ATP5MF: variants seen among roughly 807,000 people sequenced by gnomAD.
ATP5MF encodes the protein ATP synthase membrane subunit f.
A neutral mutation model predicts 13.8 loss-of-function variants in ATP5MF; 10 were observed. The ratio of observed to expected loss-of-function variants is 0.72; its 90% CI spans 0.45 to 1.23. The LOEUF is 1.23. ATP5MF is among the 50% of genes most tolerant of loss of function. The pLI is 0.00. For synonymous variants in ATP5MF, 40 were observed against 45.8 expected (o/e 0.87, Z 0.51); for missense variants, 122 against 118.2 (o/e 1.03, Z -0.15).
chr7:99,458,262 TTG>T lies in ATP5MF; in HGVS notation c.*63_*64del. 6.7e-7 allele frequency: 1 copy of T among 1,503,506 alleles called. No homozygotes were observed. Among genetic ancestry groups the T allele is most frequent in the South Asian group, 1.2e-5 (1 of 85,122 alleles). The allele number at this position is 1,503,506 out of a possible 1,614,324, so 93.1% of individuals were successfully genotyped here. On this transcript the variant is annotated 3_prime_UTR_variant, in exon 4 of 4. Transcript: ENST00000292475. ...TGAAAGGATTCAGCAACGATTGAGA[TTG>T]TGTTCCTCACGGAGGGGCTCGGGCC... is the stretch of plus-strand genomic sequence containing the variant.
chr7:99,462,288 TAAAAA>T (rs755455949), intron 1 of ATP5MF, among the ~76,000 whole-genome samples: 59 of 30,900 alleles, frequency 1.9e-3, no homozygotes, highest in Non-Finnish European at 3.1e-3. Context: ...CCATCACTAC[TAAAAA>T]AAAAAAAAAA....
intron 1 of ATP5MF, among the ~76,000 whole-genome samples, chr7:99,463,154 C>T (rs150182595): frequency 6.6e-6 from 1 of 152,172 alleles, no homozygotes; most frequent in African/African-American, 2.4e-5. Flanking sequence ...TCTTGGTACA[C>T]GACAGATTCT....
At chr7:99,462,490 C>T (rs1798661304) in intron 1 of ATP5MF, among the ~76,000 whole-genome samples, 1 of 134,216 alleles carries the variant, frequency 7.5e-6, no homozygotes, top group African/African-American at 2.8e-5. Flanking sequence ...AAACCTAACA[C>T]ATTTGGCAGG....
At chr7:99,465,992 G>A in intron 1 of ATP5MF, 119 bp downstream of exon 1, 3 of 1,545,354 alleles carry the variant, frequency 1.9e-6, no homozygotes, top group Non-Finnish European at 2.6e-6. Context: ...CCTCAAGTGA[G>A]GTCGTGGCGA....
At chr7:99,460,931 C>G (rs1361767944) in intron 1 of ATP5MF, among the ~76,000 whole-genome samples, 1 of 152,134 alleles carries the variant, frequency 6.6e-6, no homozygotes, top group Non-Finnish European at 1.5e-5. Context: ...CGGACACCAA[C>G]AATTTCCAGA....
chr7:99,458,207 T>G lies in ATP5MF; in HGVS notation c.*120A>C. 1.9e-6 allele frequency: 2 copies of G among 1,076,044 alleles called. No homozygotes were observed. The highest frequency in any genetic ancestry group is 1.6e-5 in the African/African-American group (1 of 63,438). The allele number at this position is 1,076,044 out of a possible 1,614,324, so 66.7% of individuals were successfully genotyped here. ...CAATCAGCACACGTACCAGTCATGTTTTATTTGGAGGTTAATTCCTATTAG... is the reference window on the plus strand; with the variant it reads ...CAATCAGCACACGTACCAGTCATGTGTTATTTGGAGGTTAATTCCTATTAG... On this transcript the variant is annotated 3_prime_UTR_variant, in exon 4 of 4. Coordinates refer to ENST00000292475, the MANE Select transcript of ATP5MF (RefSeq NM_004889.5).
intron 1 of ATP5MF, among the ~76,000 whole-genome samples, chr7:99,461,610 G>A (rs1407585329): frequency 4.0e-5 from 6 of 151,746 alleles, no homozygotes; most frequent in Non-Finnish European, 8.8e-5. Flanking sequence ...TTGGGAGGTC[G>A]AGGCAGGCAG....
In ATP5MF at chr7:99,458,334, T is replaced by G. The variant is rs747149380; in HGVS notation, c.278A>C (p.Tyr93Ser). 6.2e-7 allele frequency: 1 copy of G among 1,609,704 alleles called. No homozygotes were observed. The highest frequency in any genetic ancestry group is 1.1e-5 in the South Asian group (1 of 89,666). The change falls in exon 4 of 4, where the codon TAC (tyrosine) becomes TCC (serine). Residue 93 changes from tyrosine to serine, a missense_variant. By Grantham distance (144) the Tyr-to-Ser change is moderately radical (BLOSUM62 -2). Transcript: ENST00000292475. ...KHLKHERLRK[Y>S]H Reference sequence around the variant, plus strand: ...GTGCAGAGTGTGTCCTCTTCAGTGGTATTTGCGGAGCCGCTCGTGCTCTGA... The same window carrying G: ...GTGCAGAGTGTGTCCTCTTCAGTGGGATTTGCGGAGCCGCTCGTGCTCTGA...
chr7:99,458,986 T>C, intron 3 of ATP5MF, 161 bp downstream of exon 3: 1 of 600,852 alleles, frequency 1.7e-6, no homozygotes, highest in East Asian at 2.8e-5. Flanking sequence ...TCCCACATAC[T>C]GTACTCTGAT....
chr7:99,459,996 G>A (rs1182031446), intron 2 of ATP5MF, 90 bp downstream of exon 2: 2 of 1,402,708 alleles, frequency 1.4e-6, no homozygotes, highest in Non-Finnish European at 1.9e-6. Context: ...AGACAACAAG[G>A]CCTTCATTGC....
At position 99,458,496 on chromosome 7, in the gene ATP5MF, C is replaced by T. The variant is rs1242364610; in HGVS notation, c.257-141G>A. On this transcript the variant is annotated intron_variant, in intron 3 of 3. Transcript: ENST00000292475. Reference sequence around the variant, plus strand: ...ACCCATGACCCGCCTGCCGGTGTCTCTGCAGAATCAGCAGACCCGGGGGGC... The same window carrying T: ...ACCCATGACCCGCCTGCCGGTGTCTTTGCAGAATCAGCAGACCCGGGGGGC... 9.4e-6 allele frequency: 8 copies of T among 851,228 alleles called. No homozygotes were observed. In the East Asian group the frequency reaches 2.3e-4, roughly 24 times the overall value. 52.7% of individuals were successfully genotyped at this position (851,228 alleles called of 1,614,324 possible). A position where few individuals can be genotyped will look rare whatever the true frequency, so the allele number is the denominator to read the frequency against.
intron 2 of ATP5MF, 105 bp from the exon 3 acceptor site, chr7:99,459,368 G>T (rs1456317901): frequency 2.4e-6 from 2 of 830,720 alleles, no homozygotes; most frequent in African/African-American, 1.7e-5. Context: ...TCCTGCTCTG[G>T]CTGTTTAAGC....
intron 1 of ATP5MF, among the ~76,000 whole-genome samples, chr7:99,464,914 C>G (rs1047505388): frequency 2.0e-5 from 3 of 150,716 alleles, no homozygotes; most frequent in South Asian, 2.1e-4. Context: ...GTTGCAGAGA[C>G]GAGATCAGCT....
intron 1 of ATP5MF, among the ~76,000 whole-genome samples, chr7:99,461,188 C>T (rs1798585036): frequency 6.6e-6 from 1 of 152,216 alleles, no homozygotes; most frequent in Non-Finnish European, 1.5e-5. Flanking sequence ...GTTCTCCCTG[C>T]AAAGATTTAT....
At chr7:99,461,103 G>A (rs1798581529) in intron 1 of ATP5MF, among the ~76,000 whole-genome samples, 1 of 152,202 alleles carries the variant, frequency 6.6e-6, no homozygotes, top group Admixed American at 6.5e-5. Flanking sequence ...CCCAGGAGGA[G>A]ACTATGGAGG....
At position 99,459,132 on chromosome 7, in the gene ATP5MF, C is replaced by A. The variant is rs369499770; in HGVS notation, c.256+15G>T. Reference sequence around the variant, plus strand: ...CTCATGGGAACTAAAGGCAAGACGCCGCAGAGGCACTCACTGAGATGCTTG... The same window carrying A: ...CTCATGGGAACTAAAGGCAAGACGCAGCAGAGGCACTCACTGAGATGCTTG... On this transcript the variant is annotated intron_variant, in intron 3 of 3. Transcript: ENST00000292475. The A allele has an allele frequency of 4.0e-5, 64 of 1,600,230 alleles. No individual in the cohort carries two copies. Among genetic ancestry groups the A allele is most frequent in the Non-Finnish European group, 5.2e-5 (61 of 1,168,688 alleles).
At chr7:99,460,983 G>A (rs939951122) in intron 1 of ATP5MF, among the ~76,000 whole-genome samples, 3 of 151,988 alleles carry the variant, frequency 2.0e-5, no homozygotes, top group African/African-American at 7.2e-5. Flanking sequence ...GTCAAGTGAC[G>A]AAAAACCACT....
chr7:99,465,674 C>T (rs1798839788), intron 1 of ATP5MF, among the ~76,000 whole-genome samples: 1 of 152,208 alleles, frequency 6.6e-6, no homozygotes, highest in African/African-American at 2.4e-5. Flanking sequence ...AACATATATG[C>T]ATCGAACCTT....
At chr7:99,460,595 T>C (rs956272494) in intron 1 of ATP5MF, 1 of 489,846 alleles carries the variant, frequency 2.0e-6, no homozygotes, top group Non-Finnish European at 4.1e-6. Flanking sequence ...GGAGGGGGGA[T>C]AGACTCAGAG....
Sources: allele counts gnomAD v4.1 joint callset (sites outside exome capture counted in the v4.1 genomes callset), GRCh38; gene constraint gnomAD v4.1.1; transcripts MANE v1.5; gene names NCBI Gene and HGNC (gene_info 2026-07-23, HGNC 2026-07-21).